The following WASHC2A variants were observed in gnomAD, a reference collection of about 807,000 sequenced individuals.
The protein encoded by WASHC2A is WASH complex subunit FAM21A.
WASHC2A carries 82 observed loss-of-function variants against 140.3 expected under a neutral mutation model. The ratio of observed to expected loss-of-function variants is 0.58; its 90% confidence interval spans 0.49 to 0.70. WASHC2A has a LOEUF of 0.70. WASHC2A is among the 30% of genes least tolerant of loss of function. WASHC2A has a pLI of 0.00. For missense variants in WASHC2A, 985 were observed against 1,521.8 expected, an observed-to-expected ratio of 0.65 and a Z score of 5.87; for synonymous variants, 340 against 560.8, an observed-to-expected ratio of 0.61 and a Z score of 5.56.
At chr10:50,077,664 A>G (rs1294624181) in intron 3 of WASHC2A, among the ~76,000 whole-genome samples, 5 of 152,198 alleles carry the variant, frequency 3.3e-5, no homozygotes, top group Non-Finnish European at 7.3e-5. Context: ...TTTTTAAAAA[A>G]TTTTAATTTC....
At chr10:50,075,082 G>A (rs1838190610) in intron 3 of WASHC2A, among the ~76,000 whole-genome samples, 1 of 151,646 alleles carries the variant, frequency 6.6e-6, no homozygotes, top group Admixed American at 6.6e-5. Flanking sequence ...ATTTACATTT[G>A]CAGCCTACTT....
At chr10:50,089,964 G>A (rs546583964) in intron 8 of WASHC2A, among the ~76,000 whole-genome samples, 5,955 of 151,280 alleles carry the variant, frequency 0.039, 370 homozygotes, top group African/African-American at 0.13. Flanking sequence ...ATAAAAATTA[G>A]CCGGGCGTGG....
chr10:50,092,005 G>A lies in WASHC2A; in HGVS notation c.932-157G>A, dbSNP rs1251626506. 5.3e-5 allele frequency among the ~76,000 whole-genome samples: 8 copies of A among 152,260 alleles called. No homozygotes were observed. The East Asian group carries it at 1.3e-3, about 26-fold the overall frequency. ...AGAGACTCTTGAGTGCCCACTGTGG[G>A]CAGGGCCAGGGGGTTCAGTGCTCTG... On this transcript the variant is annotated intron_variant, in intron 10 of 30. Transcript: ENST00000282633.
chr10:50,101,963 GC>G (rs1376323332), intron 17 of WASHC2A, among the ~76,000 whole-genome samples: 1 of 152,242 alleles, frequency 6.6e-6, no homozygotes, highest in Non-Finnish European at 1.5e-5. Flanking sequence ...CTCAGAGAGA[GC>G]CCGATGGAGG....
intron 23 of WASHC2A, among the ~76,000 whole-genome samples, chr10:50,123,692 A>T (rs1843182551): frequency 6.7e-6 from 1 of 150,006 alleles, no homozygotes; most frequent in East Asian, 1.9e-4. Context: ...AAAAATCATT[A>T]CATTTTATAC....
chr10:50,132,540 T>C (rs1455174200), intron 30 of WASHC2A, among the ~76,000 whole-genome samples: 2 of 152,230 alleles, frequency 1.3e-5, no homozygotes, highest in Non-Finnish European at 1.5e-5. Context: ...CAAGTTACGC[T>C]TCCCTTTTTT....
At chr10:50,071,305 G>A (rs1554876142) in intron 3 of WASHC2A, among the ~76,000 whole-genome samples, 4 of 137,382 alleles carry the variant, frequency 2.9e-5, no homozygotes, top group African/African-American at 1.1e-4. Flanking sequence ...AAGGATTTGG[G>A]AAGTTTCTTT....
intron 19 of WASHC2A, 131 bp from the exon 20 acceptor site, chr10:50,109,970 C>T (rs1370167999): frequency 1.7e-6 from 2 of 1,155,060 alleles, no homozygotes; most frequent in Non-Finnish European, 2.4e-6. Flanking sequence ...CGGGGTTTCA[C>T]CATGTTAGCA....
intron 23 of WASHC2A, among the ~76,000 whole-genome samples, chr10:50,123,067 G>A (rs1843132200): frequency 7.5e-6 from 1 of 133,548 alleles, no homozygotes; most frequent in Non-Finnish European, 1.6e-5. Flanking sequence ...CCGGGAAGAG[G>A]ACCATAATAA....
chr10:50,067,992 G>A lies in WASHC2A; in HGVS notation c.-14G>A, dbSNP rs530782890. 4 of 1,605,552 alleles carry A rather than the reference G, an allele frequency of 2.5e-6. No individual in the cohort carries two copies. The highest frequency in any genetic ancestry group is 2.7e-5 in the African/African-American group (2 of 74,932). ...TGCTGGCAGCTTCGGAGCCCACCGA[G>A]CCGGGCGGCTAGGATGGTGAGGGCG... is the stretch of plus-strand genomic sequence containing the variant. On this transcript the variant is annotated 5_prime_UTR_variant, in exon 1 of 31. Transcript: ENST00000282633.
chr10:50,113,648 G>A (rs1842466531), intron 20 of WASHC2A, among the ~76,000 whole-genome samples: 1 of 144,636 alleles, frequency 6.9e-6, no homozygotes, highest in Admixed American at 7.0e-5. Flanking sequence ...AACCTGCACT[G>A]GATAGTAACA....
intron 3 of WASHC2A, among the ~76,000 whole-genome samples, chr10:50,071,309 T>TGTC (rs1837781329): frequency 1.5e-5 from 2 of 129,948 alleles, no homozygotes; most frequent in Non-Finnish European, 3.4e-5. Context: ...ATTTGGGAAG[T>TGTC]TTCTTTTTTT....
intron 3 of WASHC2A, among the ~76,000 whole-genome samples, chr10:50,073,249 A>G (rs577842421): frequency 5.8e-4 from 89 of 152,198 alleles, no homozygotes; most frequent in African/African-American, 2.0e-3. Context: ...TTCTTTTTAA[A>G]GTCAATTGTT....
At chr10:50,103,802 C>T (rs1309636466) in intron 17 of WASHC2A, among the ~76,000 whole-genome samples, 5 of 152,126 alleles carry the variant, frequency 3.3e-5, no homozygotes, top group African/African-American at 9.7e-5. Context: ...ACAGAAGCCC[C>T]TGGGCTCTGC....
chr10:50,070,214 T>G (rs1837680909), intron 3 of WASHC2A, among the ~76,000 whole-genome samples: 1 of 152,218 alleles, frequency 6.6e-6, no homozygotes, highest in Admixed American at 6.5e-5. Context: ...TGAGCTTAAA[T>G]CTATGTGTGA....
rs1323873226 is a variant in WASHC2A, at chr10:50,103,559, C to CA, written c.1636-475dup. On this transcript the variant is annotated intron_variant, in intron 17 of 30. Coordinates refer to ENST00000282633, the MANE Select transcript of WASHC2A (RefSeq NM_001005751.3). Reference sequence around the variant, plus strand: ...TGGGCAACAGAGCGAGACTCCGCCTCAAAAAAAAGAAAAAGAAGTAAGTCA... The same window carrying CA: ...TGGGCAACAGAGCGAGACTCCGCCTCAAAAAAAAAGAAAAAGAAGTAAGTCA... Among the ~76,000 whole-genome samples, 25 of 150,346 alleles carry CA rather than the reference C, an allele frequency of 1.7e-4. 1 individual carries two copies. The highest frequency in any genetic ancestry group is 5.7e-4 in the African/African-American group (23 of 40,644).
Position 50,133,357 on chromosome 10 carries a change from A to G in WASHC2A, c.*412A>G. On this transcript the variant is annotated 3_prime_UTR_variant, in exon 31 of 31. Transcript: ENST00000282633. ...GGGCAGGGGAAAGAGAAAGAAGGTG[A>G]GAGATTATACTTCATGAGTCTTAGC... The G allele has an allele frequency of 2.1e-6, 1 of 483,300 alleles. No individual in the cohort carries two copies. Among genetic ancestry groups the G allele is most frequent in the East Asian group, 6.6e-5 (1 of 15,050 alleles). 29.9% of individuals were successfully genotyped at this position (483,300 alleles called of 1,614,324 possible). A position where few individuals can be genotyped will look rare whatever the true frequency, so the allele number is the denominator to read the frequency against.
At chr10:50,106,036 A>G (rs1352505955) in intron 18 of WASHC2A, among the ~76,000 whole-genome samples, 2 of 152,184 alleles carry the variant, frequency 1.3e-5, no homozygotes, top group East Asian at 1.9e-4. Context: ...ACTTGCCCAC[A>G]GGGTGACTGG....
intron 3 of WASHC2A, among the ~76,000 whole-genome samples, chr10:50,070,859 G>A (rs1198136429): frequency 5.6e-5 from 6 of 108,054 alleles, no homozygotes; most frequent in Non-Finnish European, 9.6e-5. Flanking sequence ...GAGAAACCCC[G>A]TCTCTACTAA....
Sources: allele counts gnomAD v4.1 joint callset (sites outside exome capture counted in the v4.1 genomes callset), GRCh38; gene constraint gnomAD v4.1.1; transcripts MANE v1.5; gene names NCBI Gene and HGNC (gene_info 2026-07-23, HGNC 2026-07-21).